The following GCM1 variants were observed in gnomAD, a reference collection of about 807,000 sequenced individuals.
The protein encoded by GCM1 is chorion-specific transcription factor GCMa.
In GCM1, 2 loss-of-function variants were observed where a neutral mutation model predicts 25.7. The ratio of observed to expected loss-of-function variants is 0.08; its 90% CI spans 0.03 to 0.24. GCM1 has a LOEUF of 0.24. Among genes scored for constraint, GCM1 ranks in the 10% least tolerant of loss-of-function variants. The probability of loss-of-function intolerance (pLI) is 1.00; values close to 1 mark genes in which losing one functional copy is unlikely to be tolerated. For synonymous variants in GCM1, 183 were observed against 195.7 expected (o/e 0.94, Z 0.54); for missense variants, 395 against 538.7 (o/e 0.73, Z 2.64).
At position 53,148,683 on chromosome 6, in the gene GCM1, C is replaced by T. The variant is rs1228982521; in HGVS notation, c.-137+71G>A. 7 of 152,190 alleles carry T rather than the reference C, an allele frequency of 4.6e-5. No homozygotes were observed. The East Asian group carries it at 1.3e-3, about 29-fold the overall frequency. The allele number at this position is 152,190 out of a possible 1,614,324, so 9.4% of individuals were successfully genotyped here. On this transcript the variant is annotated intron_variant, in intron 1 of 5. Coordinates refer to ENST00000259803, the MANE Select transcript of GCM1 (RefSeq NM_003643.4). ...AAAAATGAACTAGAACAAATGAAACCCTGTAGGAATAGAGTGGTCGTTGCC... is the reference window on the plus strand; with the variant it reads ...AAAAATGAACTAGAACAAATGAAACTCTGTAGGAATAGAGTGGTCGTTGCC...
At chr6:53,142,520 A>G (rs1461589643) in intron 2 of GCM1, among the ~76,000 whole-genome samples, 1 of 152,184 alleles carries the variant, frequency 6.6e-6, no homozygotes, top group Non-Finnish European at 1.5e-5. Context: ...ATTCCATGTA[A>G]CTTGTACTCT....
rs561395005 is a variant in GCM1, at chr6:53,136,319, CACAA to C, written c.76-1999_76-1996del. Among the ~76,000 whole-genome samples the C allele has an allele frequency of 4.6e-5, 7 of 152,370 alleles. No homozygotes were observed. The South Asian group carries it at 1.2e-3, about 27-fold the overall frequency. ...CTACAATATTTACTATCTGACTCTTCACAAACAGTCTGAGATTGCTGGCTGTAAG... is the reference window on the plus strand; with the variant it reads ...CTACAATATTTACTATCTGACTCTTCACAGTCTGAGATTGCTGGCTGTAAG... On this transcript the variant is annotated intron_variant, in intron 2 of 5. Coordinates refer to ENST00000259803, the MANE Select transcript of GCM1 (RefSeq NM_003643.4).
intron 3 of GCM1, among the ~76,000 whole-genome samples, chr6:53,133,057 C>T (rs1235770873): frequency 2.0e-5 from 3 of 152,210 alleles, no homozygotes; most frequent in Admixed American, 6.5e-5. Flanking sequence ...CATTAATGCA[C>T]ACATTGAGAT....
At chr6:53,131,703 C>G (rs1391198723) in intron 4 of GCM1, among the ~76,000 whole-genome samples, 1 of 152,180 alleles carries the variant, frequency 6.6e-6, no homozygotes, top group Non-Finnish European at 1.5e-5. Flanking sequence ...GGTGTTCAAA[C>G]TCAGATTTGC....
chr6:53,139,549 C>G (rs904240951), intron 2 of GCM1, among the ~76,000 whole-genome samples: 1 of 150,334 alleles, frequency 6.7e-6, no homozygotes, highest in Non-Finnish European at 1.5e-5. Context: ...TAGACTAATC[C>G]TGGTATTTCT....
Position 53,139,649 on chromosome 6 carries a change from C to T in GCM1, c.76-5325G>A, listed in dbSNP as rs185294555. The stretch of plus-strand genomic sequence containing the variant: ...TTGGGAAGCTGAGGTGGGCAGATCA[C>T]GAGGTCAGGAGATCAAGAACATCCT... On this transcript the variant is annotated intron_variant, in intron 2 of 5. Coordinates refer to ENST00000259803, the MANE Select transcript of GCM1 (RefSeq NM_003643.4). Among the ~76,000 whole-genome samples, 121 of 152,128 alleles carry T rather than the reference C, an allele frequency of 8.0e-4. No homozygotes were observed. The East Asian group carries it at 0.021, about 26-fold the overall frequency.
intron 2 of GCM1, among the ~76,000 whole-genome samples, chr6:53,142,809 A>G (rs1763898883): frequency 7.0e-6 from 1 of 141,996 alleles, no homozygotes; most frequent in South Asian, 2.4e-4. Flanking sequence ...CATTTGGCGC[A>G]ACCCCCTCAT....
chr6:53,148,507 A>T (rs1030586708), intron 1 of GCM1, among the ~76,000 whole-genome samples: 1 of 152,230 alleles, frequency 6.6e-6, no homozygotes, highest in Non-Finnish European at 1.5e-5. Context: ...CTAAAAGTTA[A>T]GAACAAAACA....
intron 5 of GCM1, among the ~76,000 whole-genome samples, chr6:53,129,435 A>G (rs1029639068): frequency 1.3e-5 from 2 of 151,944 alleles, no homozygotes; most frequent in Admixed American, 6.6e-5. Flanking sequence ...CACCACGCCC[A>G]GCTAATTTTT....
chr6:53,148,471 C>T (rs893830761), intron 1 of GCM1, among the ~76,000 whole-genome samples: 12 of 152,066 alleles, frequency 7.9e-5, no homozygotes, highest in African/African-American at 1.2e-4. Flanking sequence ...ATTTGCTAAG[C>T]GAATGAGCAT....
Position 53,130,815 on chromosome 6 carries a change from G to T in GCM1, c.558C>A (p.Ser186Arg). 1 of 1,613,766 alleles carries T rather than the reference G, an allele frequency of 6.2e-7. No homozygotes were observed. The highest frequency in any genetic ancestry group is 2.2e-5 in the East Asian group (1 of 44,882). Residue 186 changes from serine to arginine, a missense_variant, in exon 5 of 6, where the codon AGC becomes AGA. Ser to Arg is a moderately radical substitution (Grantham distance 110). Coordinates refer to ENST00000259803, the MANE Select transcript of GCM1 (RefSeq NM_003643.4). The part of the protein sequence containing the change: ...PSSVSLSLKG[S>R]TETRSLPGET... ...AATGAAGGATTACCCTGGTCTCTGT[G>T]CTCCCCTTCAGGCTCAATGAGACGG...
intron 2 of GCM1, among the ~76,000 whole-genome samples, chr6:53,143,776 C>T (rs1763912666): frequency 6.6e-6 from 1 of 151,162 alleles, no homozygotes; most frequent in African/African-American, 2.4e-5. Flanking sequence ...TTTCTGTTCT[C>T]CAGCTCTGTC....
At chr6:53,130,719 A>T in intron 5 of GCM1, 84 bp downstream of exon 5, 1 of 1,158,576 alleles carries the variant, frequency 8.6e-7, no homozygotes, top group African/African-American at 1.5e-5. Flanking sequence ...TTCCTGCGTC[A>T]GCAAGGGACC....
intron 5 of GCM1, 91 bp downstream of exon 5, chr6:53,130,712 C>T: frequency 9.4e-7 from 1 of 1,060,674 alleles, no homozygotes; most frequent in Non-Finnish European, 1.4e-6. Flanking sequence ...TCTGGCTTTC[C>T]TGCGTCAGCA....
At chr6:53,139,387 C>A (rs1483270622) in intron 2 of GCM1, among the ~76,000 whole-genome samples, 2 of 149,964 alleles carry the variant, frequency 1.3e-5, no homozygotes, top group South Asian at 4.2e-4. Context: ...TTAGGGCAGG[C>A]ATGGTGGGGA....
In GCM1 at chr6:53,145,638, G is replaced by C; in HGVS notation, c.-6C>G. On this transcript the variant is annotated 5_prime_UTR_variant, in exon 2 of 6. Coordinates refer to ENST00000259803, the MANE Select transcript of GCM1 (RefSeq NM_003643.4). ...TCAAAGTCGTCAGGTTCCATGATAA[G>C]GTCAGGCCAGCCAAGGTTTTCACCT... The C allele has an allele frequency of 1.3e-6, 2 of 1,567,614 alleles. No homozygotes were observed. Among genetic ancestry groups the C allele is most frequent in the Non-Finnish European group, 8.8e-7 (1 of 1,138,184 alleles).
At position 53,131,027 on chromosome 6, in the gene GCM1, C is replaced by G. The variant is rs534513937; in HGVS notation, c.442-96G>C. The G allele has an allele frequency of 9.3e-6, 11 of 1,185,902 alleles. No individual in the cohort carries two copies. The East Asian group carries it at 2.1e-4, about 23-fold the overall frequency. The allele number at this position is 1,185,902 out of a possible 1,614,324, so 73.5% of individuals were successfully genotyped here. ...TTTTTATTTACTGTGTGTCCTGCCCCGGGGGTGGTGTTGCAGTTGCCTATG... is the reference window on the plus strand; with the variant it reads ...TTTTTATTTACTGTGTGTCCTGCCCGGGGGGTGGTGTTGCAGTTGCCTATG... On this transcript the variant is annotated intron_variant, in intron 4 of 5. Transcript: ENST00000259803.
intron 3 of GCM1, among the ~76,000 whole-genome samples, chr6:53,132,902 T>C (rs920845978): frequency 1.3e-5 from 2 of 152,150 alleles, no homozygotes; most frequent in African/African-American, 4.8e-5. Flanking sequence ...AGGTTTGAAG[T>C]GGGCAATGTA....
At chr6:53,140,622 C>T (rs976239340) in intron 2 of GCM1, among the ~76,000 whole-genome samples, 1 of 151,366 alleles carries the variant, frequency 6.6e-6, no homozygotes, top group Non-Finnish European at 1.5e-5. Flanking sequence ...GCAAACTGCT[C>T]AGTGTGTAGG....
Sources: allele counts gnomAD v4.1 joint callset (sites outside exome capture counted in the v4.1 genomes callset), GRCh38; gene constraint gnomAD v4.1.1; transcripts MANE v1.5; gene names NCBI Gene and HGNC (gene_info 2026-07-23, HGNC 2026-07-21).